The following EXOC4 variants were observed in gnomAD, a reference collection of about 807,000 sequenced individuals.
EXOC4 encodes the protein exocyst complex component 4, also known as SEC8-like 1.
Under a neutral mutation model 107.2 loss-of-function variants are expected in EXOC4, and 71 were observed. That is an observed-to-expected ratio of 0.66 (90% confidence interval 0.55 to 0.81). The LOEUF (loss-of-function observed/expected upper bound fraction) is 0.81. EXOC4 is among the 30% of genes least tolerant of loss of function. The pLI, the probability that EXOC4 is intolerant of heterozygous loss-of-function variation, is 0.00. For synonymous variants in EXOC4, 456 were observed against 441.2 expected, an observed-to-expected ratio of 1.03 and a Z score of -0.42; for missense variants, 1,108 against 1,189.6, an observed-to-expected ratio of 0.93 and a Z score of 1.01.
chr7:133,885,456 T>A (rs1799064297), intron 11 of EXOC4, among the ~76,000 whole-genome samples: 1 of 152,214 alleles, frequency 6.6e-6, no homozygotes, highest in Admixed American at 6.5e-5. Context: ...GTGCATTAAA[T>A]TAACAAATAT....
At position 133,448,577 on chromosome 7, in the gene EXOC4, G is replaced by GGGGGGCA. The variant is rs2150804266; in HGVS notation, c.1183-26751_1183-26750insGGGGGCA. On this transcript the variant is annotated intron_variant, in intron 7 of 17. Transcript: ENST00000253861. Reference sequence around the variant, plus strand: ...GCCACTTCACCCATCCCCAAGTGCTGTGGTTATAGGCATGAGGCACCATGC... The same window carrying GGGGGGCA: ...GCCACTTCACCCATCCCCAAGTGCTGGGGGGCATGGTTATAGGCATGAGGCACCATGC... Among the ~76,000 whole-genome samples the GGGGGGCA allele has an allele frequency of 2.0e-5, 3 of 152,168 alleles. No individual in the cohort carries two copies. In the South Asian group the frequency reaches 6.2e-4, roughly 32 times the overall value.
intron 7 of EXOC4, among the ~76,000 whole-genome samples, chr7:133,426,813 T>C (rs1797737899): frequency 6.6e-6 from 1 of 152,262 alleles, no homozygotes; most frequent in African/African-American, 2.4e-5. Flanking sequence ...GTTGACTTCC[T>C]GTTGATCTTT....
chr7:133,918,853 A>G (rs1799872253), intron 13 of EXOC4, among the ~76,000 whole-genome samples: 1 of 152,210 alleles, frequency 6.6e-6, no homozygotes, highest in South Asian at 2.1e-4. Context: ...AAAATAAAAT[A>G]AAAGCATTTT....
chr7:133,269,645 A>G (rs772546754), intron 1 of EXOC4, among the ~76,000 whole-genome samples: 21 of 152,230 alleles, frequency 1.4e-4, no homozygotes, highest in Non-Finnish European at 2.8e-4. Context: ...GATGAGTGAG[A>G]GTTGACTTGT....
intron 5 of EXOC4, among the ~76,000 whole-genome samples, chr7:133,336,181 A>C (rs990535191): frequency 1.3e-5 from 2 of 152,154 alleles, no homozygotes; most frequent in Admixed American, 1.3e-4. Context: ...GATGCACAGA[A>C]GTTTTGAATT....
chr7:133,525,882 T>TC (rs766479967), intron 9 of EXOC4, among the ~76,000 whole-genome samples: 2 of 152,176 alleles, frequency 1.3e-5, no homozygotes, highest in Non-Finnish European at 2.9e-5. Context: ...ATACGTGTTT[T>TC]CCCCCTCTAA....
At chr7:133,938,845 C>G (rs1261249916) in intron 14 of EXOC4, among the ~76,000 whole-genome samples, 1 of 152,188 alleles carries the variant, frequency 6.6e-6, no homozygotes, top group Non-Finnish European at 1.5e-5. Flanking sequence ...CTCTGTTGCC[C>G]AGGCTGGAGT....
intron 5 of EXOC4, among the ~76,000 whole-genome samples, chr7:133,349,324 C>G (rs1183214962): frequency 6.6e-6 from 1 of 152,096 alleles, no homozygotes; most frequent in Non-Finnish European, 1.5e-5. Context: ...CCATACCCCT[C>G]TTCTCCCAGC....
At chr7:133,520,911 G>C (rs2150910033) in intron 9 of EXOC4, among the ~76,000 whole-genome samples, 1 of 152,228 alleles carries the variant, frequency 6.6e-6, no homozygotes, top group African/African-American at 2.4e-5. Flanking sequence ...GATGCTTTTA[G>C]ATAGCACCAG....
chr7:134,026,271 A>G (rs1021015845), intron 17 of EXOC4, among the ~76,000 whole-genome samples: 1 of 151,638 alleles, frequency 6.6e-6, no homozygotes, highest in Non-Finnish European at 1.5e-5. Flanking sequence ...ATGGCAAAGT[A>G]GTAGCCCAGA....
rs148934770 is a variant in EXOC4, at chr7:133,710,353, TA to T, written c.1514+80213del. Among the ~76,000 whole-genome samples the T allele has an allele frequency of 2.4e-3, 361 of 152,242 alleles. 5 individuals carry two copies. Among genetic ancestry groups the T allele is most frequent in the African/African-American group, 8.1e-3 (338 of 41,538 alleles). On this transcript the variant is annotated intron_variant, in intron 10 of 17. Coordinates refer to ENST00000253861, the MANE Select transcript of EXOC4 (RefSeq NM_021807.4). ...GATGAGATGATGTGGACACAGAAACTAGTTGTGATAAAAGTTGGTAGTTGCG... is the reference window on the plus strand; with the variant it reads ...GATGAGATGATGTGGACACAGAAACTGTTGTGATAAAAGTTGGTAGTTGCG...
intron 17 of EXOC4, among the ~76,000 whole-genome samples, chr7:134,022,482 C>T (rs2116430952): frequency 6.6e-6 from 1 of 152,226 alleles, no homozygotes; most frequent in African/African-American, 2.4e-5. Flanking sequence ...TTTTAAGGCT[C>T]CTTCCACCAA....
chr7:134,097,949 TAAC>T, the EXOC4 span, among the ~76,000 whole-genome samples: 15 of 152,152 alleles, frequency 9.9e-5, 1 homozygote, highest in Non-Finnish European at 1.8e-4. Context: ...AGGTCCCTAA[TAAC>T]TACTGGATTC....
intron 10 of EXOC4, among the ~76,000 whole-genome samples, chr7:133,749,955 GTTTTTTTTTTTTTT>G (rs56902982): frequency 1.9e-4 from 12 of 62,102 alleles, no homozygotes; most frequent in Admixed American, 8.5e-4. Flanking sequence ...GTGGTTGGCA[GTTTTTTTTTTTTTT>G]TTTTTTTTTT....
At chr7:133,263,675 G>C (rs1267547531) in intron 1 of EXOC4, among the ~76,000 whole-genome samples, 1 of 152,000 alleles carries the variant, frequency 6.6e-6, no homozygotes, top group Non-Finnish European at 1.5e-5. Context: ...ACCGTGCCTG[G>C]CCTATTTGAC....
chr7:133,324,775 C>T (rs1795198050), intron 5 of EXOC4, among the ~76,000 whole-genome samples: 1 of 152,172 alleles, frequency 6.6e-6, no homozygotes, highest in Non-Finnish European at 1.5e-5. Context: ...TGTTAACTTT[C>T]TGTCTTGTTG....
At chr7:133,323,328 G>A (rs1795158994) in intron 5 of EXOC4, among the ~76,000 whole-genome samples, 1 of 152,132 alleles carries the variant, frequency 6.6e-6, no homozygotes, top group African/African-American at 2.4e-5. Flanking sequence ...TGCCCATTCA[G>A]TATGATATTG....
intron 9 of EXOC4, among the ~76,000 whole-genome samples, chr7:133,549,143 AC>A (rs1488547986): frequency 1.3e-5 from 2 of 152,274 alleles, no homozygotes; most frequent in East Asian, 3.9e-4. Flanking sequence ...AGCTGAGATT[AC>A]AGGCATGCAT....
chr7:133,683,647 A>G (rs1794234304), intron 10 of EXOC4, among the ~76,000 whole-genome samples: 1 of 152,174 alleles, frequency 6.6e-6, no homozygotes, highest in Non-Finnish European at 1.5e-5. Context: ...CCCTAAAAAT[A>G]AAACAAGAAA....
Sources: gnomAD v4.1 joint callset for allele counts (sites outside exome capture counted in the v4.1 genomes callset) on GRCh38, gnomAD v4.1.1 for gene constraint, MANE v1.5 for transcripts, NCBI Gene and HGNC (gene_info 2026-07-23, HGNC 2026-07-21) for gene names.